Variants in COL24A1 observed in about 807,000 individuals in gnomAD.
The protein encoded by COL24A1 is collagen type XXIV alpha 1 chain, also known as collagen alpha-1(XXIV) chain.
A neutral mutation model predicts 253.9 loss-of-function variants in COL24A1; 224 were observed. The ratio of observed to expected loss-of-function variants is 0.88; its 90% CI spans 0.79 to 0.99. The LOEUF (loss-of-function observed/expected upper bound fraction) is 0.99. Ranked by LOEUF, COL24A1 falls within the 50% of genes least tolerant of loss-of-function variation. The probability of loss-of-function intolerance (pLI) is 0.00; values close to 1 mark genes in which losing one functional copy is unlikely to be tolerated. For synonymous variants in COL24A1, 685 were observed against 673.7 expected (o/e 1.02, Z -0.26); for missense variants, 2,131 against 2,068.5 (o/e 1.03, Z -0.59).
chr1:85,731,369 T>C (rs142498244), intron 59 of COL24A1, among the ~76,000 whole-genome samples: 10 of 152,346 alleles, frequency 6.6e-5, no homozygotes, highest in African/African-American at 2.4e-4. Context: ...AATTCACTTA[T>C]TCACAGAATT....
chr1:85,971,219 TA>T, intron 21 of COL24A1, 120 bp downstream of exon 21: 1 of 755,214 alleles, frequency 1.3e-6, no homozygotes, highest in Non-Finnish European at 2.2e-6. Context: ...AATATATAAA[TA>T]AAATGGTAAC....
chr1:85,952,065 A>G lies in COL24A1; in HGVS notation c.2562+9184T>C, dbSNP rs564077160. Among the ~76,000 whole-genome samples, 498 of 152,328 alleles carry G rather than the reference A, an allele frequency of 3.3e-3. 3 individuals carry two copies. Among genetic ancestry groups the G allele is most frequent in the Middle Eastern group, 6.8e-3 (2 of 294 alleles). ...ATTAATGAAAAAAGAGACATTTCATAAACAGAAGATAGAGTCCAAATTCAA... is the reference window on the plus strand; with the variant it reads ...ATTAATGAAAAAAGAGACATTTCATGAACAGAAGATAGAGTCCAAATTCAA... On this transcript the variant is annotated intron_variant, in intron 24 of 59. Transcript: ENST00000370571.
rs1688176448 is a variant in COL24A1 at position 85,935,437 on chromosome 1, T to C, written c.2563-24004A>G. On this transcript the variant is annotated intron_variant, in intron 24 of 59. Transcript: ENST00000370571. Reference sequence around the variant, plus strand: ...AGTAGGAATGAACACTTTCTGTTTATTTATAAATACATCACTGTTTCCAAA... The same window carrying C: ...AGTAGGAATGAACACTTTCTGTTTACTTATAAATACATCACTGTTTCCAAA... Among the ~76,000 whole-genome samples the C allele has an allele frequency of 1.4e-5, 2 of 147,664 alleles. 1 individual carries two copies. The highest frequency in any genetic ancestry group is 5.0e-5 in the African/African-American group (2 of 40,260).
intron 59 of COL24A1, among the ~76,000 whole-genome samples, chr1:85,731,572 A>G (rs1294051809): frequency 6.6e-6 from 1 of 152,208 alleles, no homozygotes; most frequent in Admixed American, 6.5e-5. Context: ...TCTTTTAAGC[A>G]ATATTTATTG....
upstream of COL24A1, chr1:86,156,812 G>A (rs1160831885): frequency 4.5e-5 from 7 of 156,708 alleles, no homozygotes; most frequent in Admixed American, 4.6e-4. Flanking sequence ...AAAGGGGTGG[G>A]GGTAGGGAAG....
chr1:85,832,041 AG>A (rs1471567156), intron 43 of COL24A1, among the ~76,000 whole-genome samples: 2 of 152,086 alleles, frequency 1.3e-5, no homozygotes, highest in African/African-American at 4.8e-5. Context: ...GTTTTCTTCT[AG>A]GGTTTTTATG....
intron 12 of COL24A1, chr1:86,045,705 T>C (rs1699849644): frequency 3.3e-6 from 1 of 300,540 alleles, no homozygotes; most frequent in African/African-American, 2.2e-5. Flanking sequence ...TTATAACCAT[T>C]ATAAGATTAG....
At chr1:85,864,797 C>T (rs1005426984) in intron 37 of COL24A1, among the ~76,000 whole-genome samples, 1 of 152,088 alleles carries the variant, frequency 6.6e-6, no homozygotes, top group African/African-American at 2.4e-5. Context: ...AAATTTTGTC[C>T]TAAACATATA....
chr1:85,919,160 A>T (rs1467199894), intron 24 of COL24A1, among the ~76,000 whole-genome samples: 2 of 152,216 alleles, frequency 1.3e-5, no homozygotes, highest in African/African-American at 4.8e-5. Context: ...GTCACAGCCA[A>T]CCCACAGTGT....
At chr1:86,033,370 A>C (rs1698741035) in intron 13 of COL24A1, among the ~76,000 whole-genome samples, 1 of 152,126 alleles carries the variant, frequency 6.6e-6, no homozygotes, top group Admixed American at 6.6e-5. Context: ...TAGCGCCAAA[A>C]AATAGCAATC....
At chr1:86,051,168 C>T (rs1700269937) in intron 10 of COL24A1, among the ~76,000 whole-genome samples, 1 of 152,040 alleles carries the variant, frequency 6.6e-6, no homozygotes, top group Non-Finnish European at 1.5e-5. Context: ...GGGTCCAGAT[C>T]ACTGGTTCAA....
intron 41 of COL24A1, 92 bp from the exon 42 acceptor site, chr1:85,841,370 T>G (rs950572833): frequency 2.4e-6 from 2 of 832,712 alleles, no homozygotes; most frequent in South Asian, 1.8e-5. Context: ...TATTAGAAAA[T>G]GCAGTTTGAT....
At chr1:86,061,286 T>C (rs576206686) in intron 8 of COL24A1, among the ~76,000 whole-genome samples, 2 of 152,166 alleles carry the variant, frequency 1.3e-5, no homozygotes, top group East Asian at 1.9e-4. Flanking sequence ...CCAAAACACA[T>C]AGGCCCACAT....
At chr1:85,790,132 C>A (rs1670110256) in intron 47 of COL24A1, among the ~76,000 whole-genome samples, 1 of 152,072 alleles carries the variant, frequency 6.6e-6, no homozygotes, top group Admixed American at 6.5e-5. Flanking sequence ...ATGGTACCAG[C>A]CCCTCTTGGT....
intron 43 of COL24A1, among the ~76,000 whole-genome samples, chr1:85,831,382 C>A (rs754578164): frequency 3.9e-5 from 6 of 152,068 alleles, no homozygotes; most frequent in Non-Finnish European, 8.8e-5. Flanking sequence ...GTATGTAGTT[C>A]TACAGAAATA....
chr1:86,070,277 C>G (rs529183629), intron 7 of COL24A1, among the ~76,000 whole-genome samples: 1 of 152,206 alleles, frequency 6.6e-6, no homozygotes, highest in South Asian at 2.1e-4. Context: ...TGACAAAACA[C>G]AGTCAGAGGA....
intron 32 of COL24A1, among the ~76,000 whole-genome samples, chr1:85,884,366 T>C (rs1230019426): frequency 6.6e-6 from 1 of 152,156 alleles, no homozygotes; most frequent in Non-Finnish European, 1.5e-5. Context: ...GTTGTAGCTA[T>C]GGTGTCTCAG....
At position 85,868,847 on chromosome 1, in the gene COL24A1, C is replaced by T. The variant is rs756952865; in HGVS notation, c.3139-12G>A. The T allele has an allele frequency of 1.3e-5, 21 of 1,572,346 alleles. No individual in the cohort carries two copies. Among genetic ancestry groups the T allele is most frequent in the Non-Finnish European group, 1.8e-5 (21 of 1,160,286 alleles). On this transcript the variant is annotated splice_polypyrimidine_tract_variant and intron_variant, in intron 35 of 59. Transcript: ENST00000370571. The stretch of plus-strand genomic sequence containing the variant: ...GCTCCTGGTTCACCCTATTTTGTAG[C>T]AGAAAGAGTATGATTGAGTTTTTTT...
At chr1:86,020,061 CTTTTTTTTTT>C (rs10582249) in intron 18 of COL24A1, among the ~76,000 whole-genome samples, 6 of 102,594 alleles carry the variant, frequency 5.8e-5, no homozygotes, top group African/African-American at 9.9e-5. Flanking sequence ...TTCATTCTTT[CTTTTTTTTTT>C]TTTTTTTTTT....
Sources: gnomAD v4.1 joint callset for allele counts (sites outside exome capture counted in the v4.1 genomes callset) on GRCh38, gnomAD v4.1.1 for gene constraint, MANE v1.5 for transcripts, NCBI Gene and HGNC (gene_info 2026-07-23, HGNC 2026-07-21) for gene names.